The following KLHL42 variants were observed in gnomAD, a reference collection of about 807,000 sequenced individuals.
KLHL42 encodes the protein kelch-like protein 42.
Under a neutral mutation model 32.7 loss-of-function variants are expected in KLHL42, and 27 were observed. That is an observed-to-expected ratio of 0.83 (90% CI 0.61 to 1.14). KLHL42 has a LOEUF of 1.14. Ranked by LOEUF, KLHL42 falls within the 50% of genes most tolerant of loss-of-function variation. The pLI, the probability that KLHL42 is intolerant of heterozygous loss-of-function variation, is 0.00. For synonymous variants in KLHL42, 267 were observed against 248.2 expected, an observed-to-expected ratio of 1.08 and a Z score of -0.71; for missense variants, 491 against 560.8, an observed-to-expected ratio of 0.88 and a Z score of 1.26.
At chr12:27,783,168 G>A in intron 1 of KLHL42, among the ~76,000 whole-genome samples, 2 of 152,232 alleles carry the variant, frequency 1.3e-5, no homozygotes, top group South Asian at 4.1e-4. Flanking sequence ...AATAAAGTAT[G>A]CTATAGAAAA....
intron 1 of KLHL42, among the ~76,000 whole-genome samples, chr12:27,791,413 T>A (rs1359937516): frequency 2.0e-5 from 3 of 152,248 alleles, no homozygotes; most frequent in Admixed American, 2.0e-4. Flanking sequence ...GTTTAGTGTA[T>A]ACACATTGTC....
Position 27,798,948 on chromosome 12 carries a change from A to C in KLHL42, c.*782A>C, listed in dbSNP as rs1177376873. The C allele has an allele frequency of 1.3e-5, 2 of 152,594 alleles. No homozygotes were observed. Among genetic ancestry groups the C allele is most frequent in the African/African-American group, 4.8e-5 (2 of 41,420 alleles). 9.5% of individuals were successfully genotyped at this position (152,594 alleles called of 1,614,324 possible). On this transcript the variant is annotated 3_prime_UTR_variant, in exon 3 of 3. Coordinates refer to ENST00000381271, the MANE Select transcript of KLHL42 (RefSeq NM_020782.2). Reference sequence around the variant, plus strand: ...TTAAAGAGGATATATTATTTAGAAAAATGGACATATGAATATTATTAAAAA... The same window carrying C: ...TTAAAGAGGATATATTATTTAGAAACATGGACATATGAATATTATTAAAAA...
At position 27,797,775 on chromosome 12, in the gene KLHL42, C is replaced by A; in HGVS notation, c.1127C>A (p.Thr376Lys). The A allele has an allele frequency of 1.3e-6, 1 of 746,748 alleles. No homozygotes were observed. Among genetic ancestry groups the A allele is most frequent in the Non-Finnish European group, 2.5e-6 (1 of 398,586 alleles). The allele number at this position is 746,748 out of a possible 1,614,324, so 46.3% of individuals were successfully genotyped here. The change falls in exon 3 of 3, where the codon ACA (threonine) becomes AAA (lysine). Residue 376 changes from threonine (T) to lysine (K), a missense_variant. By Grantham distance (78) the Thr-to-Lys change is moderately conservative. This residue lies in a region of KLHL42 where 152 missense variants were observed against 125.9 expected (regional missense o/e 1.21). Coordinates refer to ENST00000381271, the MANE Select transcript of KLHL42 (RefSeq NM_020782.2). ...PSSDMWTLFE[T>K]CDVHIRKQQM... is the part of the protein sequence containing the mutation. ...TCCGACATGTGGACGCTCTTTGAAACATGTGACGTCCACATTCGCAAGCAG... is the reference window on the plus strand; with the variant it reads ...TCCGACATGTGGACGCTCTTTGAAAAATGTGACGTCCACATTCGCAAGCAG...
At position 27,791,817 on chromosome 12, in the gene KLHL42, G is replaced by A; in HGVS notation, c.982G>A (p.Ala328Thr). Residue 328 changes from alanine to threonine, a missense_variant, in exon 2 of 3, where the codon GCG becomes ACG. Coordinates refer to ENST00000381271, the MANE Select transcript of KLHL42 (RefSeq NM_020782.2). ...NPEQDAWNFV[A>T]PLPNPLAEFS... ...CGAGCAGGATGCGTGGAATTTTGTG[G>A]CGCCCTTACCCAATCCTCTGGCTGA... 6.2e-7 allele frequency: 1 copy of A among 1,614,192 alleles called. No homozygotes were observed. The highest frequency in any genetic ancestry group is 8.5e-7 in the Non-Finnish European group (1 of 1,180,032).
chr12:27,792,021 G>A (rs2062199573), intron 2 of KLHL42, 120 bp downstream of exon 2: 1 of 754,020 alleles, frequency 1.3e-6, no homozygotes, highest in East Asian at 2.6e-5. Context: ...CTTTAATAGT[G>A]TACACTTACA....
chr12:27,800,012 G>A lies in KLHL42; in HGVS notation c.*1846G>A. On this transcript the variant is annotated 3_prime_UTR_variant, in exon 3 of 3. Transcript: ENST00000381271. ...TATTCATTGTAGAATTGAATTTCCA[G>A]TGACCTGTAATTTCATTACATATAT... 2.2e-6 allele frequency: 2 copies of A among 896,272 alleles called. No homozygotes were observed. The highest frequency in any genetic ancestry group is 2.7e-6 in the Non-Finnish European group (2 of 748,750). 55.5% of individuals were successfully genotyped at this position (896,272 alleles called of 1,614,324 possible).
In KLHL42 at chr12:27,798,793, A is replaced by G. The variant is rs2062231277; in HGVS notation, c.*627A>G. ...AACTTGCATAAAAATATTCTTAGCT[A>G]TTTTTCCAGCCTTTTTTGCAGTTAC... is the stretch of plus-strand genomic sequence containing the variant. On this transcript the variant is annotated 3_prime_UTR_variant, in exon 3 of 3. Transcript: ENST00000381271. 2 of 152,112 alleles carry G rather than the reference A, an allele frequency of 1.3e-5. No homozygotes were observed. Among genetic ancestry groups the G allele is most frequent in the African/African-American group, 4.8e-5 (2 of 41,356 alleles). 9.4% of individuals were successfully genotyped at this position (152,112 alleles called of 1,614,324 possible). A position where few individuals can be genotyped will look rare whatever the true frequency, so the allele number is the denominator to read the frequency against.
intron 2 of KLHL42, 83 bp downstream of exon 2, chr12:27,791,984 C>A: frequency 9.0e-7 from 1 of 1,111,900 alleles, no homozygotes. Flanking sequence ...CAGAGGAAGC[C>A]CCGACATATC....
chr12:27,799,025 A>C lies in KLHL42; in HGVS notation c.*859A>C, dbSNP rs909796411. ...GAAGAAAACACCAAATAAGAAAAAA[A>C]TTTGCCTTTAAGAGTTACTTTTGTT... is the stretch of plus-strand genomic sequence containing the variant. On this transcript the variant is annotated 3_prime_UTR_variant, in exon 3 of 3. Transcript: ENST00000381271. 6.6e-6 allele frequency: 1 copy of C among 152,612 alleles called. No homozygotes were observed. The highest frequency in any genetic ancestry group is 1.5e-5 in the Non-Finnish European group (1 of 68,042). 9.5% of individuals were successfully genotyped at this position (152,612 alleles called of 1,614,324 possible).
chr12:27,795,926 G>C (rs140117357), intron 2 of KLHL42, among the ~76,000 whole-genome samples: 3 of 152,274 alleles, frequency 2.0e-5, no homozygotes, highest in African/African-American at 7.2e-5. Flanking sequence ...AAAGACCTTC[G>C]GGCCTGGAGC....
intron 1 of KLHL42, among the ~76,000 whole-genome samples, chr12:27,787,162 A>G (rs182779070): frequency 2.4e-4 from 36 of 152,200 alleles, no homozygotes; most frequent in Admixed American, 2.2e-3. Flanking sequence ...CGTGGGTTTG[A>G]TCTCACAAAT....
intron 1 of KLHL42, chr12:27,787,646 A>T (rs1397084190): frequency 6.6e-6 from 1 of 152,206 alleles, no homozygotes; most frequent in Non-Finnish European, 1.5e-5. Flanking sequence ...ATTGCCCTGC[A>T]CTTTAGCTCT....
chr12:27,792,465 A>G (rs896444994), intron 2 of KLHL42, among the ~76,000 whole-genome samples: 1 of 152,204 alleles, frequency 6.6e-6, no homozygotes, highest in African/African-American at 2.4e-5. Flanking sequence ...ACATGAATAC[A>G]AGAGAGCTCT....
At chr12:27,789,299 CA>C (rs1208400459) in intron 1 of KLHL42, among the ~76,000 whole-genome samples, 3 of 152,192 alleles carry the variant, frequency 2.0e-5, no homozygotes. Flanking sequence ...TGTCTAAGGT[CA>C]GACAGCAATT....
chr12:27,800,664 T>C lies in KLHL42; in HGVS notation c.*2498T>C, dbSNP rs1129800. On this transcript the variant is annotated 3_prime_UTR_variant, in exon 3 of 3. Transcript: ENST00000381271. ...CGGAGGTTGCAGTGAGCCGAGATTG[T>C]GCCATTGCACTCCAGCCTGGGCGAC... is the stretch of plus-strand genomic sequence containing the variant. 6,745 of 152,088 alleles carry C rather than the reference T, an allele frequency of 0.044. 445 individuals are homozygous for C. The highest frequency in any genetic ancestry group is 0.16 in the African/African-American group (6,372 of 40,886). 9.4% of individuals were successfully genotyped at this position (152,088 alleles called of 1,614,324 possible).
In KLHL42 at chr12:27,780,391, A is replaced by G; in HGVS notation, c.61A>G (p.Arg21Gly). The change falls in exon 1 of 3, where the codon AGG becomes GGG. Residue 21 changes from arginine (R) to glycine (G), a missense_variant. Physicochemically the swap from Arg to Gly is moderately radical, Grantham distance 125. Coordinates refer to ENST00000381271, the MANE Select transcript of KLHL42 (RefSeq NM_020782.2). The surrounding 1 kb of genome is among the most constrained non-coding windows in gnomAD (Gnocchi z 8.8). ...LEDRCYPVSK[R>G]KLIEQSDYFR... ...GGACCGCTGCTACCCGGTGAGCAAGAGGAAGCTCATCGAGCAGAGCGACTA... is the reference window on the plus strand; with the variant it reads ...GGACCGCTGCTACCCGGTGAGCAAGGGGAAGCTCATCGAGCAGAGCGACTA... The G allele has an allele frequency of 1.3e-6, 2 of 1,578,790 alleles. No individual in the cohort carries two copies. The highest frequency in any genetic ancestry group is 1.2e-5 in the South Asian group (1 of 86,320).
chr12:27,780,468 C>G lies in KLHL42; in HGVS notation c.138C>G (p.Ala46=). ...TGCGCGAGGCCCTGAGCCAGGAGGC[C>G]GGCGGCCCGGAGGTGCAGCAGCTGC... ...SGMREALSQE[A]GGPEVQQLRG... Residue 46 remains alanine (A), a synonymous_variant, in exon 1 of 3, where the codon GCC becomes GCG. Coordinates refer to ENST00000381271, the MANE Select transcript of KLHL42 (RefSeq NM_020782.2). This position sits in a 1 kb window ranked among gnomAD's most constrained non-coding sequence, Gnocchi z 8.8. 2 of 1,544,530 alleles carry G rather than the reference C, an allele frequency of 1.3e-6. No homozygotes were observed. The highest frequency in any genetic ancestry group is 1.7e-6 in the Non-Finnish European group (2 of 1,145,946).
intron 2 of KLHL42, among the ~76,000 whole-genome samples, chr12:27,795,717 G>A (rs1366676033): frequency 6.6e-6 from 1 of 152,128 alleles, no homozygotes; most frequent in African/African-American, 2.4e-5. Flanking sequence ...TTATTTTTAT[G>A]GTAGCTATTT....
chr12:27,782,952 A>T (rs79359051), intron 1 of KLHL42, among the ~76,000 whole-genome samples: 6,242 of 152,198 alleles, frequency 0.041, 410 homozygotes, highest in African/African-American at 0.14. Context: ...TATACTGTAA[A>T]TTATATGTAT....
Sources: gnomAD v4.1 joint callset for allele counts (sites outside exome capture counted in the v4.1 genomes callset) on GRCh38, gnomAD v4.1.1 for gene constraint, gnomAD v4.1.1 regional missense constraint, Gnocchi (gnomAD v3.1) non-coding constraint, MANE v1.5 for transcripts, NCBI Gene and HGNC (gene_info 2026-07-23, HGNC 2026-07-21) for gene names.